The following NAPB variants were observed in gnomAD, a reference collection of about 807,000 sequenced individuals.
The protein encoded by NAPB is NSF attachment protein beta, also known as beta-soluble NSF attachment protein.
A neutral mutation model predicts 44.7 loss-of-function variants in NAPB; 26 were observed. The observed-to-expected ratio is 0.58, with a 90% CI of 0.43 to 0.81. The LOEUF is 0.81. Ranked by LOEUF, NAPB falls within the 30% of genes least tolerant of loss-of-function variation. The probability of loss-of-function intolerance (pLI) is 0.00; values close to 1 mark genes in which losing one functional copy is unlikely to be tolerated. For synonymous variants in NAPB, 120 were observed against 116.8 expected, an observed-to-expected ratio of 1.03 and a Z score of -0.18; for missense variants, 315 against 356.4, an observed-to-expected ratio of 0.88 and a Z score of 0.94.
chr20:23,415,577 G>C (rs925787655), intron 1 of NAPB, among the ~76,000 whole-genome samples: 4 of 151,960 alleles, frequency 2.6e-5, no homozygotes, highest in Non-Finnish European at 5.9e-5. Flanking sequence ...CTGGGCAACA[G>C]AGCAAGACTC....
chr20:23,400,818 T>C (rs1490522286), intron 2 of NAPB, among the ~76,000 whole-genome samples: 1 of 152,122 alleles, frequency 6.6e-6, no homozygotes, highest in African/African-American at 2.4e-5. Context: ...ACTTTGCAGG[T>C]AATAATCCAG....
intron 5 of NAPB, 63 bp from the exon 6 acceptor site, chr20:23,390,327 T>G (rs750556994): frequency 3.0e-5 from 41 of 1,354,466 alleles, no homozygotes; most frequent in Non-Finnish European, 4.3e-5. Context: ...TAAAACTACA[T>G]TTGCATAGGT....
rs16985294 is a variant in NAPB, at chr20:23,375,186, C to G, written c.*2190G>C. On this transcript the variant is annotated 3_prime_UTR_variant, in exon 11 of 11. Coordinates refer to ENST00000377026, the MANE Select transcript of NAPB (RefSeq NM_022080.3). ...TTCTTTTCATGTGAAATATTAAAAA[C>G]AAAAATTAATTCTTAACCCCGGAAC... The G allele has an allele frequency of 6.6e-6, 1 of 151,920 alleles. No homozygotes were observed. The highest frequency in any genetic ancestry group is 2.4e-5 in the African/African-American group (1 of 41,340). The allele number at this position is 151,920 out of a possible 1,614,324, so 9.4% of individuals were successfully genotyped here. A position where few individuals can be genotyped will look rare whatever the true frequency, so the allele number is the denominator to read the frequency against.
chr20:23,402,338 C>T lies in NAPB; in HGVS notation c.178+655G>A, dbSNP rs188391488. Among the ~76,000 whole-genome samples the T allele has an allele frequency of 9.8e-5, 15 of 152,286 alleles. No individual in the cohort carries two copies. In the East Asian group the frequency reaches 2.5e-3, roughly 26 times the overall value. ...TCACTAAGGCATGAAAGATCTCTTT[C>T]GCTGAAGGGAGAGGGATGAATTTCT... On this transcript the variant is annotated intron_variant, in intron 2 of 10. Transcript: ENST00000377026.
intron 9 of NAPB, 160 bp downstream of exon 9, chr20:23,379,707 A>T: frequency 1.5e-6 from 1 of 669,670 alleles, no homozygotes; most frequent in Non-Finnish European, 2.6e-6. Context: ...TTCTGACCTT[A>T]ATTGCATTTG....
intron 7 of NAPB, among the ~76,000 whole-genome samples, chr20:23,388,611 T>C (rs1054172747): frequency 6.6e-6 from 1 of 152,174 alleles, no homozygotes; most frequent in African/African-American, 2.4e-5. Flanking sequence ...ATATTTCATA[T>C]GGTGAAATAA....
chr20:23,420,757 GCCAGGGCGAGGGGGGCGA>G (rs1986349481), intron 1 of NAPB, among the ~76,000 whole-genome samples: 1 of 152,146 alleles, frequency 6.6e-6, no homozygotes, highest in Non-Finnish European at 1.5e-5. Context: ...ACCAACCCGG[GCCAGGGCGAGGGGGGCGA>G]TCTGGGGTCT....
chr20:23,400,572 G>C (rs1219517100), intron 2 of NAPB, among the ~76,000 whole-genome samples: 3 of 152,116 alleles, frequency 2.0e-5, no homozygotes, highest in Non-Finnish European at 4.4e-5. Context: ...TAAATTAAAT[G>C]GTCTCTGGGA....
In NAPB at chr20:23,377,366, C is replaced by T; in HGVS notation, c.*10G>A. 6.4e-7 allele frequency: 1 copy of T among 1,565,938 alleles called. No homozygotes were observed. The highest frequency in any genetic ancestry group is 8.7e-7 in the Non-Finnish European group (1 of 1,145,040). ...AGGAGTTAGCTGCATGCCACAAAGA[C>T]AAAAACATTTCATTTTAGGTCTCCA... is the stretch of plus-strand genomic sequence containing the variant. On this transcript the variant is annotated 3_prime_UTR_variant, in exon 11 of 11. Coordinates refer to ENST00000377026, the MANE Select transcript of NAPB (RefSeq NM_022080.3).
At chr20:23,398,327 T>C (rs1397333469) in intron 2 of NAPB, among the ~76,000 whole-genome samples, 2 of 152,176 alleles carry the variant, frequency 1.3e-5, no homozygotes, top group African/African-American at 4.8e-5. Context: ...ACTGCTGATA[T>C]TAAACATTTG....
At chr20:23,385,174 T>C (rs965065018) in intron 7 of NAPB, among the ~76,000 whole-genome samples, 9 of 152,050 alleles carry the variant, frequency 5.9e-5, no homozygotes, top group African/African-American at 2.2e-4. Context: ...ACTTCAGTTA[T>C]AATGATATAG....
At chr20:23,390,568 T>C (rs1414457526) in intron 5 of NAPB, among the ~76,000 whole-genome samples, 1 of 152,220 alleles carries the variant, frequency 6.6e-6, no homozygotes, top group Admixed American at 6.5e-5. Flanking sequence ...AACAGACATG[T>C]TGGGGGCCAC....
chr20:23,398,970 A>C (rs918362181), intron 2 of NAPB, among the ~76,000 whole-genome samples: 2 of 147,036 alleles, frequency 1.4e-5, no homozygotes, highest in Admixed American at 7.0e-5. Flanking sequence ...CTGGGATTAC[A>C]GATGATTATA....
intron 7 of NAPB, among the ~76,000 whole-genome samples, chr20:23,387,535 T>C (rs1439140459): frequency 6.6e-6 from 1 of 152,198 alleles, no homozygotes; most frequent in Non-Finnish European, 1.5e-5. Context: ...AAGTTTGGCA[T>C]GGTTGCAGGA....
chr20:23,421,083 T>TG (rs1188803121), intron 1 of NAPB, among the ~76,000 whole-genome samples: 2 of 150,004 alleles, frequency 1.3e-5, no homozygotes, highest in Non-Finnish European at 3.0e-5. Context: ...GTGGGGTCTC[T>TG]GGAGGGCGCG....
In NAPB at chr20:23,421,291, G is replaced by A. The variant is rs764741064; in HGVS notation, c.98+14C>T. The A allele has an allele frequency of 7.8e-6, 12 of 1,541,880 alleles. No homozygotes were observed. In the East Asian group the frequency reaches 2.3e-4, roughly 29 times the overall value. On this transcript the variant is annotated intron_variant, in intron 1 of 10. Transcript: ENST00000377026. ...GACCCCCCCCCCCCAGGGCACGCAC[G>A]GTCTGGCGCTCACCCAAACAGCCCT...
intron 1 of NAPB, among the ~76,000 whole-genome samples, chr20:23,410,915 G>C (rs1181221381): frequency 6.6e-6 from 1 of 152,098 alleles, no homozygotes; most frequent in African/African-American, 2.4e-5. Context: ...ATGAACTCTT[G>C]TTTCAAATTC....
Position 23,377,198 on chromosome 20 carries a change from G to A in NAPB, c.*178C>T. 1 of 388,592 alleles carries A rather than the reference G, an allele frequency of 2.6e-6. No individual in the cohort carries two copies. Among genetic ancestry groups the A allele is most frequent in the Non-Finnish European group, 4.6e-6 (1 of 216,270 alleles). 24.1% of individuals were successfully genotyped at this position (388,592 alleles called of 1,614,324 possible). A position where few individuals can be genotyped will look rare whatever the true frequency, so the allele number is the denominator to read the frequency against. ...ACCCATCATTACCACAAGATGAACAGGAGCCTCTCCTTCATTCATTTCACA... is the reference window on the plus strand; with the variant it reads ...ACCCATCATTACCACAAGATGAACAAGAGCCTCTCCTTCATTCATTTCACA... On this transcript the variant is annotated 3_prime_UTR_variant, in exon 11 of 11. Coordinates refer to ENST00000377026, the MANE Select transcript of NAPB (RefSeq NM_022080.3).
At chr20:23,386,970 G>A (rs1188609167) in intron 7 of NAPB, among the ~76,000 whole-genome samples, 2 of 152,122 alleles carry the variant, frequency 1.3e-5, no homozygotes, top group African/African-American at 2.4e-5. Flanking sequence ...TGTAAGGTTG[G>A]TTCAACATAT....
Sources: gnomAD v4.1 joint callset for allele counts (sites outside exome capture counted in the v4.1 genomes callset) on GRCh38, gnomAD v4.1.1 for gene constraint, MANE v1.5 for transcripts, NCBI Gene and HGNC (gene_info 2026-07-23, HGNC 2026-07-21) for gene names.